Variants in NOVA1 observed in about 807,000 individuals in gnomAD.
NOVA1 encodes the protein NOVA alternative splicing regulator 1, also known as RNA-binding protein Nova-1.
A neutral mutation model predicts 38.0 loss-of-function variants in NOVA1; 7 were observed. The ratio of observed to expected loss-of-function variants is 0.18; its 90% CI spans 0.10 to 0.35. The LOEUF (loss-of-function observed/expected upper bound fraction) is 0.35. Among genes scored for constraint, NOVA1 ranks in the 10% least tolerant of loss-of-function variants. The pLI is 1.00. For synonymous variants in NOVA1, 270 were observed against 232.5 expected, an observed-to-expected ratio of 1.16 and a Z score of -1.47; for missense variants, 460 against 616.0, an observed-to-expected ratio of 0.75 and a Z score of 2.68.
chr14:26,462,410 T>C (rs1024916546), intron 4 of NOVA1, among the ~76,000 whole-genome samples: 9 of 152,144 alleles, frequency 5.9e-5, no homozygotes, highest in African/African-American at 2.2e-4. Context: ...TATTATAAAC[T>C]AATGTGCTCT....
At chr14:26,465,398 T>C (rs1341010774) in intron 4 of NOVA1, among the ~76,000 whole-genome samples, 2 of 152,198 alleles carry the variant, frequency 1.3e-5, no homozygotes, top group African/African-American at 4.8e-5. Flanking sequence ...CTTGAACTCC[T>C]GACTTCAAGT....
At position 26,492,605 on chromosome 14, in the gene NOVA1, A is replaced by C. The variant is rs546338989; in HGVS notation, c.281-12462T>G. ...TAATCTATATTTTTCCTGGTAATCT[A>C]TATTTTTCCAGCGCATTAAAGCTAT... On this transcript the variant is annotated intron_variant, in intron 2 of 4. Coordinates refer to ENST00000539517, the MANE Select transcript of NOVA1 (RefSeq NM_002515.3). Among the ~76,000 whole-genome samples, 3 of 152,316 alleles carry C rather than the reference A, an allele frequency of 2.0e-5. No individual in the cohort carries two copies. In the East Asian group the frequency reaches 5.8e-4, roughly 29 times the overall value.
intron 2 of NOVA1, among the ~76,000 whole-genome samples, chr14:26,561,882 G>A (rs566801944): frequency 5.0e-4 from 76 of 152,164 alleles, no homozygotes; most frequent in African/African-American, 1.7e-3. Context: ...TAGTGTGTTA[G>A]AACACTATGT....
At chr14:26,537,136 A>G (rs1210385373) in intron 2 of NOVA1, among the ~76,000 whole-genome samples, 1 of 152,120 alleles carries the variant, frequency 6.6e-6, no homozygotes, top group African/African-American at 2.4e-5. Context: ...AAAGACTGAA[A>G]CAAATATATA....
intron 2 of NOVA1, among the ~76,000 whole-genome samples, chr14:26,488,106 G>C (rs1370790200): frequency 6.6e-6 from 1 of 151,892 alleles, no homozygotes; most frequent in African/African-American, 2.4e-5. Flanking sequence ...GTAATAATTG[G>C]GTTTCTTCTC....
intron 2 of NOVA1, among the ~76,000 whole-genome samples, chr14:26,538,686 C>T (rs535041760): frequency 6.6e-6 from 1 of 151,976 alleles, no homozygotes; most frequent in Non-Finnish European, 1.5e-5. Context: ...TTGCCCCCCA[C>T]TCCTTTCCCT....
rs1882356522 is a variant in NOVA1, at chr14:26,448,808, T to A, written c.675A>T (p.Gly225=). 6.2e-7 allele frequency: 1 copy of A among 1,614,040 alleles called. No homozygotes were observed. The highest frequency in any genetic ancestry group is 8.5e-7 in the Non-Finnish European group (1 of 1,180,038). The change falls in exon 5 of 5, where the codon GGA becomes GGT. Residue 225 remains glycine (G), a synonymous_variant. Transcript: ENST00000539517. The surrounding 1 kb of genome is among the most constrained non-coding windows in gnomAD (Gnocchi z 5.3). ...CAGCTTTTCGGTTTTGTTCAGGTTC[T>A]CCACTCACAGTGACAACCCTCTCTT... ...NLQERVVTVS[G]EPEQNRKAVE... is the part of the protein sequence containing the mutation.
At chr14:26,592,796 C>G (rs928206526) in intron 2 of NOVA1, 2 of 151,598 alleles carry the variant, frequency 1.3e-5, no homozygotes, top group Admixed American at 1.3e-4. Flanking sequence ...AAGTACCTAT[C>G]GTTTGAGTTA....
At chr14:26,527,600 A>C (rs1889398309) in intron 2 of NOVA1, among the ~76,000 whole-genome samples, 1 of 152,202 alleles carries the variant, frequency 6.6e-6, no homozygotes, top group Admixed American at 6.5e-5. Context: ...TAAGTAGCAA[A>C]GGGAACTCTG....
At chr14:26,508,447 T>C (rs553371136) in intron 2 of NOVA1, among the ~76,000 whole-genome samples, 88 of 152,138 alleles carry the variant, frequency 5.8e-4, no homozygotes, top group Non-Finnish European at 9.6e-4. Context: ...ATAATGTTTA[T>C]AATTAGGAAG....
At chr14:26,463,152 C>T (rs780401213) in intron 4 of NOVA1, among the ~76,000 whole-genome samples, 2 of 152,132 alleles carry the variant, frequency 1.3e-5, no homozygotes, top group Non-Finnish European at 2.9e-5. Flanking sequence ...AATCACTCTC[C>T]TGTGATTAAG....
intron 2 of NOVA1, among the ~76,000 whole-genome samples, chr14:26,564,325 C>T (rs1892001933): frequency 1.3e-5 from 2 of 152,096 alleles, no homozygotes; most frequent in African/African-American, 4.8e-5. Context: ...ATTCCAATTG[C>T]TTTATACATA....
chr14:26,558,032 A>G (rs896630345), intron 2 of NOVA1, among the ~76,000 whole-genome samples: 1 of 151,934 alleles, frequency 6.6e-6, no homozygotes, highest in African/African-American at 2.4e-5. Flanking sequence ...AAGGCTGCCT[A>G]CTGTATGATT....
intron 2 of NOVA1, among the ~76,000 whole-genome samples, chr14:26,574,402 A>G (rs577425332): frequency 4.9e-4 from 75 of 152,002 alleles, no homozygotes; most frequent in African/African-American, 1.7e-3. Context: ...GAAAAATAAT[A>G]AAATTATTAG....
At chr14:26,499,940 T>A (rs898506542) in intron 2 of NOVA1, among the ~76,000 whole-genome samples, 8 of 152,150 alleles carry the variant, frequency 5.3e-5, no homozygotes, top group Non-Finnish European at 1.0e-4. Flanking sequence ...TATCAGTGTC[T>A]TCCTGGCTAG....
chr14:26,517,391 G>C (rs1888547830), intron 2 of NOVA1, among the ~76,000 whole-genome samples: 1 of 152,078 alleles, frequency 6.6e-6, no homozygotes, highest in South Asian at 2.1e-4. Flanking sequence ...TTTTCCTCCT[G>C]AAATAATGCT....
At position 26,461,014 on chromosome 14, in the gene NOVA1, T is replaced by C. The variant is rs1480731363; in HGVS notation, c.519+11306A>G. On this transcript the variant is annotated intron_variant, in intron 4 of 4. Coordinates refer to ENST00000539517, the MANE Select transcript of NOVA1 (RefSeq NM_002515.3). ...TAAGTGGTTTGGTTATATAAAGGCA[T>C]GCATAATGTTCTGTCTTGAGAACAT... Among the ~76,000 whole-genome samples, 4 of 152,180 alleles carry C rather than the reference T, an allele frequency of 2.6e-5. No homozygotes were observed. In the South Asian group the frequency reaches 8.3e-4, roughly 31 times the overall value.
In NOVA1 at chr14:26,595,546, G is replaced by C; in HGVS notation, c.144C>G (p.Gly48=). 1 of 1,611,946 alleles carries C rather than the reference G, an allele frequency of 6.2e-7. No individual in the cohort carries two copies. The highest frequency in any genetic ancestry group is 8.5e-7 in the Non-Finnish European group (1 of 1,179,300). The stretch of plus-strand genomic sequence containing the variant: ...GTATGAGAACCTTTAGAAAATACTG[G>C]CCGTCTTCTGAAAAATGCAAAGAAA... ...STKRTNTGED[G]QYFLKVLIPS... The change falls in exon 2 of 5, where the codon GGC becomes GGG. Residue 48 remains glycine, a synonymous_variant. Transcript: ENST00000539517.
chr14:26,521,910 A>C (rs1209678864), intron 2 of NOVA1, among the ~76,000 whole-genome samples: 2 of 152,112 alleles, frequency 1.3e-5, no homozygotes, highest in Non-Finnish European at 2.9e-5. Flanking sequence ...AAACAGATCT[A>C]CTAAGGAGAA....
Sources: gnomAD v4.1 joint callset for allele counts (sites outside exome capture counted in the v4.1 genomes callset) on GRCh38, gnomAD v4.1.1 for gene constraint, Gnocchi (gnomAD v3.1) non-coding constraint, MANE v1.5 for transcripts, NCBI Gene and HGNC (gene_info 2026-07-23, HGNC 2026-07-21) for gene names.